Variants in ULK4 observed in about 807,000 individuals in gnomAD.
ULK4 encodes inactive serine/threonine-protein kinase ULK4.
In ULK4, 133 loss-of-function variants were observed where a neutral mutation model predicts 160.6. The ratio of observed to expected loss-of-function variants is 0.83; its 90% CI spans 0.72 to 0.96. The LOEUF (loss-of-function observed/expected upper bound fraction) is 0.96. Ranked by LOEUF, ULK4 falls within the 40% of genes least tolerant of loss-of-function variation. The probability of loss-of-function intolerance (pLI) is 0.00; values close to 1 mark genes in which losing one functional copy is unlikely to be tolerated. For missense variants in ULK4, 1,580 were observed against 1,499.5 expected, an observed-to-expected ratio of 1.05 and a Z score of -0.89; for synonymous variants, 534 against 539.8, an observed-to-expected ratio of 0.99 and a Z score of 0.15.
intron 35 of ULK4, among the ~76,000 whole-genome samples, chr3:41,330,297 G>A (rs2080417810): frequency 1.3e-5 from 2 of 152,132 alleles, no homozygotes; most frequent in South Asian, 2.1e-4. Context: ...TATACTGACT[G>A]CCTTTTCCAA....
chr3:41,821,576 T>C (rs2041147313), intron 18 of ULK4, among the ~76,000 whole-genome samples: 1 of 152,184 alleles, frequency 6.6e-6, no homozygotes, highest in African/African-American at 2.4e-5. Flanking sequence ...CCCATCCCCA[T>C]CCTCCCTTCT....
At chr3:41,706,043 C>G (rs1054319647) in intron 25 of ULK4, among the ~76,000 whole-genome samples, 3 of 152,052 alleles carry the variant, frequency 2.0e-5, no homozygotes, top group African/African-American at 7.2e-5. Flanking sequence ...AATTTCGCCA[C>G]TGTTTTGAGT....
At chr3:41,826,449 A>C (rs886229758) in intron 18 of ULK4, among the ~76,000 whole-genome samples, 2 of 151,984 alleles carry the variant, frequency 1.3e-5, no homozygotes, top group African/African-American at 2.4e-5. Context: ...GCTCAAAATA[A>C]AGGGATGGAG....
intron 32 of ULK4, among the ~76,000 whole-genome samples, chr3:41,536,700 T>TC (rs1469141723): frequency 3.3e-5 from 5 of 152,088 alleles, no homozygotes; most frequent in Non-Finnish European, 5.9e-5. Context: ...ATCATAAAGG[T>TC]CTTCATCTTC....
chr3:41,878,449 T>A (rs1250688753), intron 17 of ULK4, among the ~76,000 whole-genome samples: 1 of 152,134 alleles, frequency 6.6e-6, no homozygotes, highest in Non-Finnish European at 1.5e-5. Context: ...AGGTACCAAC[T>A]CTTTATTCTG....
intron 21 of ULK4, among the ~76,000 whole-genome samples, chr3:41,780,083 A>T (rs758508080): frequency 9.4e-4 from 143 of 151,418 alleles, no homozygotes; most frequent in Non-Finnish European, 1.9e-3. Context: ...AGGCTGAGGC[A>T]GGTGGATCAC....
At chr3:41,285,915 G>A (rs1281416339) in intron 35 of ULK4, among the ~76,000 whole-genome samples, 1 of 152,166 alleles carries the variant, frequency 6.6e-6, no homozygotes, top group African/African-American at 2.4e-5. Flanking sequence ...TATGCACTAA[G>A]CATCTCTGGG....
intron 35 of ULK4, among the ~76,000 whole-genome samples, chr3:41,264,976 G>T (rs1383209492): frequency 6.6e-6 from 1 of 152,210 alleles, no homozygotes. Flanking sequence ...CAGGGCTGGG[G>T]CCTAAGACCT....
intron 20 of ULK4, among the ~76,000 whole-genome samples, chr3:41,796,864 C>T (rs1021100317): frequency 2.0e-5 from 3 of 151,998 alleles, no homozygotes; most frequent in African/African-American, 7.3e-5. Context: ...AAGGCTGGCA[C>T]AGGAAAAGCA....
At chr3:41,318,303 ATTTTAACT>A (rs2080185210) in intron 35 of ULK4, among the ~76,000 whole-genome samples, 1 of 152,160 alleles carries the variant, frequency 6.6e-6, no homozygotes, top group Non-Finnish European at 1.5e-5. Flanking sequence ...CAAGTTTGGT[ATTTTAACT>A]TTAAGAAGTC....
At chr3:41,303,789 CA>C (rs755936693) in intron 35 of ULK4, among the ~76,000 whole-genome samples, 6 of 151,786 alleles carry the variant, frequency 4.0e-5, no homozygotes, top group Admixed American at 2.6e-4. Flanking sequence ...TAAGCTGTGC[CA>C]GGGGGAAGAG....
chr3:41,447,382 A>G (rs1436194709), intron 34 of ULK4, among the ~76,000 whole-genome samples: 2 of 152,094 alleles, frequency 1.3e-5, no homozygotes, highest in Non-Finnish European at 2.9e-5. Flanking sequence ...CTTTTCTGGC[A>G]CACCTCATAT....
At chr3:41,812,465 G>C (rs907185442) in intron 19 of ULK4, among the ~76,000 whole-genome samples, 2 of 152,202 alleles carry the variant, frequency 1.3e-5, no homozygotes, top group Admixed American at 6.5e-5. Flanking sequence ...CAAAAAAAAA[G>C]AGTACAGCAG....
chr3:41,896,996 C>T lies in ULK4; in HGVS notation c.1356G>A (p.Lys452=). The T allele has an allele frequency of 1.9e-6, 3 of 1,611,240 alleles. No homozygotes were observed. Among genetic ancestry groups the T allele is most frequent in the Non-Finnish European group, 2.5e-6 (3 of 1,178,776 alleles). The change falls in exon 15 of 37, where the codon AAG becomes AAA. Residue 452 remains lysine, a synonymous_variant. Transcript: ENST00000301831. ...AATCTTGATCTTTCAGAAATAATAA[C>T]TTATCCACTGCGATGGAAAGAAAAT... The part of the protein sequence containing the change: ...ILHLPTYSVD[K]LLFLKDQDWN...
chr3:41,947,968 C>A (rs1559669940), intron 2 of ULK4, among the ~76,000 whole-genome samples: 1 of 152,174 alleles, frequency 6.6e-6, no homozygotes, highest in Non-Finnish European at 1.5e-5. Context: ...AAACAGAAAA[C>A]AGTGGCCTTT....
chr3:41,347,193 C>T (rs1037554233), intron 35 of ULK4, among the ~76,000 whole-genome samples: 1 of 152,234 alleles, frequency 6.6e-6, no homozygotes, highest in African/African-American at 2.4e-5. Flanking sequence ...ATTGCAGCAG[C>T]TTTAAAGTTT....
chr3:41,410,698 A>C (rs1052761678), intron 34 of ULK4, among the ~76,000 whole-genome samples: 2 of 152,244 alleles, frequency 1.3e-5, no homozygotes, highest in African/African-American at 4.8e-5. Flanking sequence ...CTAATTGTAC[A>C]CAAAGTCTTC....
At chr3:41,413,562 T>A (rs551943372) in intron 34 of ULK4, among the ~76,000 whole-genome samples, 1 of 152,340 alleles carries the variant, frequency 6.6e-6, no homozygotes, top group African/African-American at 2.4e-5. Flanking sequence ...TCACAAAGTG[T>A]ACCTTTAATG....
intron 25 of ULK4, among the ~76,000 whole-genome samples, chr3:41,706,657 G>A (rs1031714577): frequency 1.3e-5 from 2 of 149,946 alleles, no homozygotes; most frequent in East Asian, 2.0e-4. Flanking sequence ...GTGAAACCCC[G>A]TCTCAATTAA....
Sources: allele counts gnomAD v4.1 joint callset (sites outside exome capture counted in the v4.1 genomes callset), GRCh38; gene constraint gnomAD v4.1.1; transcripts MANE v1.5; gene names NCBI Gene and HGNC (gene_info 2026-07-23, HGNC 2026-07-21).